DLGAP2: variants seen among roughly 807,000 people sequenced by gnomAD.
The protein encoded by DLGAP2 is DLG associated protein 2.
In DLGAP2, 26 loss-of-function variants were observed where a neutral mutation model predicts 100.3. That is an observed-to-expected ratio of 0.26 (90% confidence interval 0.19 to 0.36). The LOEUF is 0.36. Among genes scored for constraint, DLGAP2 ranks in the 10% least tolerant of loss-of-function variants. The pLI, the probability that DLGAP2 is intolerant of heterozygous loss-of-function variation, is 1.00. For synonymous variants in DLGAP2, 886 were observed against 630.1 expected (o/e 1.41, Z -6.08); for missense variants, 1,858 against 1,453.2 (o/e 1.28, Z -4.53).
intron 2 of DLGAP2, among the ~76,000 whole-genome samples, chr8:1,197,679 C>G (rs1000283425): frequency 3.0e-5 from 2 of 66,216 alleles, no homozygotes; most frequent in African/African-American, 2.0e-4. Context: ...CACCAGCTGT[C>G]CATATAAACC....
chr8:1,275,062 G>A (rs1799655535), intron 3 of DLGAP2, among the ~76,000 whole-genome samples: 1 of 152,146 alleles, frequency 6.6e-6, no homozygotes, highest in South Asian at 2.1e-4. Flanking sequence ...CATTGGTGAA[G>A]GCTCCAGCCC....
chr8:1,260,659 A>G (rs904479202), intron 3 of DLGAP2, among the ~76,000 whole-genome samples: 4 of 151,098 alleles, frequency 2.6e-5, no homozygotes, highest in Admixed American at 2.0e-4. Flanking sequence ...AGAATCCATG[A>G]TGTTTGGAGG....
intron 2 of DLGAP2, among the ~76,000 whole-genome samples, chr8:974,927 T>G (rs766113234): frequency 3.9e-5 from 6 of 152,048 alleles, no homozygotes; most frequent in Admixed American, 6.5e-5. Context: ...GAAAATAAGA[T>G]ATTGGTATAG....
At position 1,074,754 on chromosome 8, in the gene DLGAP2, A is replaced by G. The variant is rs79934550; in HGVS notation, c.73+166788A>G. On this transcript the variant is annotated intron_variant, in intron 2 of 14. Coordinates refer to ENST00000637795, the MANE Select transcript of DLGAP2 (RefSeq NM_001346810.2). ...TGACCAGGTCGTCAAGGCGTGGGTG[A>G]TTTTTTAGAAGTCATCTGGTGTATC... Among the ~76,000 whole-genome samples, 1,313 of 152,268 alleles carry G rather than the reference A, an allele frequency of 8.6e-3. 8 individuals are homozygous for G. The highest frequency in any genetic ancestry group is 0.012 in the Non-Finnish European group (824 of 68,020).
At chr8:1,529,339 G>A (rs894150589) in intron 4 of DLGAP2, among the ~76,000 whole-genome samples, 2 of 152,184 alleles carry the variant, frequency 1.3e-5, no homozygotes, top group Non-Finnish European at 2.9e-5. Flanking sequence ...GAAACATGGG[G>A]ATTATAGGGA....
chr8:838,888 A>G (rs937998385), intron 1 of DLGAP2, among the ~76,000 whole-genome samples: 1 of 152,236 alleles, frequency 6.6e-6, no homozygotes, highest in Admixed American at 6.5e-5. Context: ...TGTGGTTATG[A>G]CAAACAGCAT....
intron 2 of DLGAP2, among the ~76,000 whole-genome samples, chr8:1,175,873 G>A (rs368631004): frequency 4.6e-5 from 7 of 152,186 alleles, no homozygotes; most frequent in African/African-American, 7.2e-5. Flanking sequence ...CCCTGTGCCC[G>A]TTGTTTATTA....
At chr8:1,281,319 G>A (rs930639570) in intron 3 of DLGAP2, among the ~76,000 whole-genome samples, 15 of 152,196 alleles carry the variant, frequency 9.9e-5, no homozygotes, top group African/African-American at 2.9e-4. Context: ...AGGTGCCTCC[G>A]CCCCTCGCTC....
Position 1,267,309 on chromosome 8 carries a change from G to A in DLGAP2, c.106+8426G>A, listed in dbSNP as rs141180113. Reference sequence around the variant, plus strand: ...GGTCTGGGTGCAGTGGCTCACGCCTGTAATTCCAGCACTTTGGGAGGCCGA... The same window carrying A: ...GGTCTGGGTGCAGTGGCTCACGCCTATAATTCCAGCACTTTGGGAGGCCGA... On this transcript the variant is annotated intron_variant, in intron 3 of 14. Coordinates refer to ENST00000637795, the MANE Select transcript of DLGAP2 (RefSeq NM_001346810.2). Among the ~76,000 whole-genome samples, 701 of 151,090 alleles carry A rather than the reference G, an allele frequency of 4.6e-3. 7 individuals carry two copies. Among genetic ancestry groups the A allele is most frequent in the Non-Finnish European group, 7.9e-3 (534 of 67,826 alleles).
chr8:1,508,787 A>C (rs1285764158), intron 4 of DLGAP2, among the ~76,000 whole-genome samples: 1 of 151,510 alleles, frequency 6.6e-6, no homozygotes, highest in Non-Finnish European at 1.5e-5. Flanking sequence ...CAGGCAAATG[A>C]GTGCGGACTA....
intron 2 of DLGAP2, among the ~76,000 whole-genome samples, chr8:1,013,597 G>GCGCCTCCACTGTGTGAGACCAGGACAGA (rs1801361463): frequency 2.0e-5 from 3 of 147,632 alleles, no homozygotes; most frequent in African/African-American, 7.9e-5. Flanking sequence ...CGGACAGACG[G>GCGCCTCCACTGTGTGAGACCAGGACAGA]CGCCTCCACT....
At chr8:1,463,464 C>A (rs1169824193) in intron 3 of DLGAP2, among the ~76,000 whole-genome samples, 1 of 152,196 alleles carries the variant, frequency 6.6e-6, no homozygotes, top group Non-Finnish European at 1.5e-5. Context: ...GAACTCCCTT[C>A]GAACCCACCG....
At chr8:1,698,639 C>T (rs1241500349) in intron 14 of DLGAP2, among the ~76,000 whole-genome samples, 6 of 151,580 alleles carry the variant, frequency 4.0e-5, no homozygotes, top group Admixed American at 6.6e-5. Context: ...TGGGACTAGA[C>T]AGGTCCAAGT....
intron 8 of DLGAP2, among the ~76,000 whole-genome samples, chr8:1,652,148 G>A (rs1202380583): frequency 6.6e-6 from 1 of 152,230 alleles, no homozygotes; most frequent in Non-Finnish European, 1.5e-5. Flanking sequence ...CTGGTGCTAA[G>A]GAACTATTAC....
intron 6 of DLGAP2, among the ~76,000 whole-genome samples, chr8:1,586,730 C>T (rs571875724): frequency 3.5e-4 from 54 of 152,286 alleles, no homozygotes; most frequent in Non-Finnish European, 4.3e-4. Context: ...CACACTGCTG[C>T]GTGACTTTAA....
chr8:1,239,739 G>A (rs1156641163), intron 2 of DLGAP2, among the ~76,000 whole-genome samples: 5 of 48,694 alleles, frequency 1.0e-4, no homozygotes, highest in Non-Finnish European at 2.0e-4. Flanking sequence ...CTCACATGGC[G>A]CCGTGTCTAG....
intron 5 of DLGAP2, 198 bp from the exon 6 acceptor site, chr8:1,565,485 T>C: frequency 1.8e-6 from 1 of 552,068 alleles, no homozygotes; most frequent in Non-Finnish European, 3.2e-6. Context: ...TACCTATCAC[T>C]TATAATGAAG....
At chr8:1,250,743 G>C (rs541931525) in intron 2 of DLGAP2, among the ~76,000 whole-genome samples, 1 of 152,232 alleles carries the variant, frequency 6.6e-6, no homozygotes, top group East Asian at 1.9e-4. Context: ...AATGGAATGA[G>C]ACTTGAGTTT....
At chr8:1,578,448 C>A (rs1467810584) in intron 6 of DLGAP2, among the ~76,000 whole-genome samples, 1 of 152,154 alleles carries the variant, frequency 6.6e-6, no homozygotes, top group East Asian at 1.9e-4. Flanking sequence ...AACGTGTCAG[C>A]AGTTCTTTTT....
Sources: gnomAD v4.1 joint callset for allele counts (sites outside exome capture counted in the v4.1 genomes callset) on GRCh38, gnomAD v4.1.1 for gene constraint, MANE v1.5 for transcripts, NCBI Gene and HGNC (gene_info 2026-07-23, HGNC 2026-07-21) for gene names.